The following DOC2A variants were observed in gnomAD, a reference collection of about 807,000 sequenced individuals.
DOC2A encodes the protein double C2-like domain-containing protein alpha.
Under a neutral mutation model 40.6 loss-of-function variants are expected in DOC2A, and 28 were observed. The ratio of observed to expected loss-of-function variants is 0.69; its 90% confidence interval spans 0.51 to 0.95. The LOEUF (loss-of-function observed/expected upper bound fraction) is 0.95, where lower values mean the gene tolerates loss of function less well. Among genes scored for constraint, DOC2A ranks in the 40% least tolerant of loss-of-function variants. The pLI is 0.00. For missense variants in DOC2A, 474 were observed against 552.5 expected (o/e 0.86, Z 1.42); for synonymous variants, 241 against 236.9 (o/e 1.02, Z -0.16).
upstream of DOC2A, among the ~76,000 whole-genome samples, chr16:30,016,053 A>ATTTTT (rs1271681523): frequency 1.7e-4 from 3 of 18,176 alleles, no homozygotes; most frequent in African/African-American, 4.0e-4. Context: ...ATATATATAT[A>ATTTTT]TATTTTTTTT....
chr16:30,007,149 C>T (rs1412985673), intron 6 of DOC2A, 24 bp downstream of exon 6: 24 of 1,613,416 alleles, frequency 1.5e-5, no homozygotes, highest in East Asian at 2.2e-5. Flanking sequence ...CCTCCCCTGG[C>T]GCCCCTGCAG....
rs921364526 is a variant in DOC2A at position 30,009,148 on chromosome 16, C to A, written c.418-43G>T. On this transcript the variant is annotated intron_variant, in intron 4 of 10. Coordinates refer to ENST00000350119, the MANE Select transcript of DOC2A (RefSeq NM_003586.3). The surrounding 1 kb of genome is among the most constrained non-coding windows in gnomAD (Gnocchi z 4.1). Reference sequence around the variant, plus strand: ...AAGGTTCTCAATACCTGTCCTCCAGCCCCACAGGCTGGAGTCATGGGCTGG... The same window carrying A: ...AAGGTTCTCAATACCTGTCCTCCAGACCCACAGGCTGGAGTCATGGGCTGG... 2.5e-6 allele frequency: 4 copies of A among 1,610,812 alleles called. No homozygotes were observed. Among genetic ancestry groups the A allele is most frequent in the African/African-American group, 2.7e-5 (2 of 74,858 alleles).
At chr16:30,016,814 A>C (rs1442009470), upstream of DOC2A, among the ~76,000 whole-genome samples, 1 of 152,164 alleles carries the variant, frequency 6.6e-6, no homozygotes, top group Non-Finnish European at 1.5e-5. Context: ...CCTCATAGGG[A>C]AGACAGACAA....
Position 30,009,429 on chromosome 16 carries a change from G to A in DOC2A, c.342+49C>T, listed in dbSNP as rs1401466635. Reference sequence around the variant, plus strand: ...GGGAAGGAGGAATGGGCCCCCTCTGGGGGCTGCACGCAAACCGGGCCCGGG... The same window carrying A: ...GGGAAGGAGGAATGGGCCCCCTCTGAGGGCTGCACGCAAACCGGGCCCGGG... On this transcript the variant is annotated intron_variant, in intron 3 of 10. Transcript: ENST00000350119. This position sits in a 1 kb window ranked among gnomAD's most constrained non-coding sequence, Gnocchi z 4.1. The A allele has an allele frequency of 6.5e-7, 1 of 1,539,066 alleles. No homozygotes were observed. Among genetic ancestry groups the A allele is most frequent in the Non-Finnish European group, 8.8e-7 (1 of 1,136,506 alleles).
chr16:30,013,602 T>TAAAAAAAAAA, upstream of DOC2A: 1 of 19,180 alleles, frequency 5.2e-5, no homozygotes, highest in African/African-American at 3.7e-4. Context: ...AGACCCTGTC[T>TAAAAAAAAAA]CAAAAAAAAA....
rs762875731 is a variant in DOC2A at position 30,009,033 on chromosome 16, C to T, written c.490G>A (p.Gly164Arg). 2.0e-5 allele frequency: 33 copies of T among 1,614,008 alleles called. No individual in the cohort carries two copies. In the East Asian group the frequency reaches 4.2e-4, roughly 21 times the overall value. ...TGCGTGATGTCGTCATCTGTGATCC[C>T]GCTGTAAGTCAGGTCCTCATTCCAC... ...PVWNEDLTYS[G>R]ITDDDITHKV... Residue 164 changes from glycine to arginine, a missense_variant, in exon 5 of 11, where the codon GGG becomes AGG. Physicochemically the swap from Gly to Arg is moderately radical, Grantham distance 125 (BLOSUM62 -2). Transcript: ENST00000350119. The surrounding 1 kb of genome is among the most constrained non-coding windows in gnomAD (Gnocchi z 4.1).
chr16:30,006,006 A>G lies in DOC2A; in HGVS notation c.*180T>C. 13 of 681,820 alleles carry G rather than the reference A, an allele frequency of 1.9e-5. No individual in the cohort carries two copies. The highest frequency in any genetic ancestry group is 4.1e-4 in the Middle Eastern group (1 of 2,460). The allele number at this position is 681,820 out of a possible 1,614,324, so 42.2% of individuals were successfully genotyped here. ...CTAGCGAGTCAGGCAGGAGGTTTGC[A>G]TATGTGAATATAGAACTCCGCAGCC... is the stretch of plus-strand genomic sequence containing the variant. On this transcript the variant is annotated 3_prime_UTR_variant, in exon 11 of 11. Coordinates refer to ENST00000350119, the MANE Select transcript of DOC2A (RefSeq NM_003586.3). This position sits in a 1 kb window ranked among gnomAD's most constrained non-coding sequence, Gnocchi z 6.2.
At chr16:30,017,484 C>T (rs952592526) in intron 1 of DOC2A, among the ~76,000 whole-genome samples, 2 of 151,984 alleles carry the variant, frequency 1.3e-5, no homozygotes, top group African/African-American at 4.8e-5. Flanking sequence ...AAATTATATC[C>T]CTTGCAGCAA....
chr16:30,005,649 GACA>G lies in DOC2A; in HGVS notation c.*534_*536del. ...CTTCAAACCCCGGCCCCCTCCAGGG[GACA>G]GTTATTTAAACGAGTGGCCGGGAGC... On this transcript the variant is annotated 3_prime_UTR_variant, in exon 11 of 11. Coordinates refer to ENST00000350119, the MANE Select transcript of DOC2A (RefSeq NM_003586.3). The G allele has an allele frequency of 1.7e-6, 1 of 590,182 alleles. No individual in the cohort carries two copies. The highest frequency in any genetic ancestry group is 3.1e-5 in the East Asian group (1 of 32,380). 36.6% of individuals were successfully genotyped at this position (590,182 alleles called of 1,614,324 possible). A position where few individuals can be genotyped will look rare whatever the true frequency, so the allele number is the denominator to read the frequency against.
In DOC2A at chr16:30,009,977, A is replaced by G. The variant is rs761168758; in HGVS notation, c.246T>C (p.Tyr82=). 1.9e-6 allele frequency: 3 copies of G among 1,611,562 alleles called. No individual in the cohort carries two copies. Among genetic ancestry groups the G allele is most frequent in the South Asian group, 2.2e-5 (2 of 90,996 alleles). The change falls in exon 2 of 11, where the codon TAT becomes TAC. Residue 82 remains tyrosine (Y), a synonymous_variant. Coordinates refer to ENST00000350119, the MANE Select transcript of DOC2A (RefSeq NM_003586.3). The surrounding 1 kb of genome is among the most constrained non-coding windows in gnomAD (Gnocchi z 4.1). ...TPEDGAEVDS[Y]DSDDATALGT... is the part of the protein sequence containing the mutation. The stretch of plus-strand genomic sequence containing the variant: ...CAGACTCACTGGCATCATCCGAGTC[A>G]TAGCTGTCCACCTCCGCACCATCCT...
Position 30,009,407 on chromosome 16 carries a change from A to G in DOC2A, c.342+71T>C. 6.6e-7 allele frequency: 1 copy of G among 1,511,824 alleles called. No homozygotes were observed. The highest frequency in any genetic ancestry group is 9.0e-7 in the Non-Finnish European group (1 of 1,112,278). 93.7% of individuals were successfully genotyped at this position (1,511,824 alleles called of 1,614,324 possible). A position where few individuals can be genotyped will look rare whatever the true frequency, so the allele number is the denominator to read the frequency against. On this transcript the variant is annotated intron_variant, in intron 3 of 10. Transcript: ENST00000350119. This position sits in a 1 kb window ranked among gnomAD's most constrained non-coding sequence, Gnocchi z 4.1. ...GACGAAGGAGCAGGCCTGGGAAGGG[A>G]AGGAGGAATGGGCCCCCTCTGGGGG...
chr16:30,009,482 G>T lies in DOC2A; in HGVS notation c.338C>A (p.Ala113Asp). 1 of 1,551,510 alleles carries T rather than the reference G, an allele frequency of 6.4e-7. No homozygotes were observed. The highest frequency in any genetic ancestry group is 8.7e-7 in the Non-Finnish European group (1 of 1,146,972). The part of the protein sequence containing the change: ...SCTLHCSILR[A>D]KGLKPMDFNG... ...TGGGTGGCAGGGAGTGCCCACCTTG[G>T]CCCTGAGGATGCTACAGTGCAGAGT... The change falls in exon 3 of 11, where the codon GCC becomes GAC. Residue 113 changes from alanine (A) to aspartate (D), a missense_variant. Coordinates refer to ENST00000350119, the MANE Select transcript of DOC2A (RefSeq NM_003586.3). This position sits in a 1 kb window ranked among gnomAD's most constrained non-coding sequence, Gnocchi z 4.1.
At chr16:30,020,045 G>A (rs2070893801) in intron 1 of DOC2A, among the ~76,000 whole-genome samples, 1 of 152,082 alleles carries the variant, frequency 6.6e-6, no homozygotes, top group Non-Finnish European at 1.5e-5. Flanking sequence ...AGTAGCTGGG[G>A]CTACAGGCGC....
upstream of DOC2A, among the ~76,000 whole-genome samples, chr16:30,013,122 G>A (rs1332168701): frequency 1.8e-5 from 2 of 111,448 alleles, no homozygotes; most frequent in Admixed American, 2.8e-4. Flanking sequence ...AGAAGTTCAA[G>A]ACCAGCCTGG....
At chr16:30,016,019 TAA>T (rs2070850093), upstream of DOC2A, among the ~76,000 whole-genome samples, 9 of 60,634 alleles carry the variant, frequency 1.5e-4, no homozygotes, top group South Asian at 1.4e-3. Context: ...CCCAGCACAA[TAA>T]TATATATATA....
upstream of DOC2A, chr16:30,013,622 A>AATAATAAAAAAAAAAT (rs1186474493): frequency 7.1e-6 from 1 of 141,520 alleles, no homozygotes; most frequent in South Asian, 2.2e-4. Context: ...AAAAAAAAAA[A>AATAATAAAAAAAAAAT]AAAAATCCTT....
At position 30,006,547 on chromosome 16, in the gene DOC2A, C is replaced by T; in HGVS notation, c.961-38G>A. On this transcript the variant is annotated intron_variant, in intron 9 of 10. Coordinates refer to ENST00000350119, the MANE Select transcript of DOC2A (RefSeq NM_003586.3). The surrounding 1 kb of genome is among the most constrained non-coding windows in gnomAD (Gnocchi z 6.2). ...CCGGCCACCCGTTCGTGAGCCAGCT[C>T]CCCAGCCCCTCCCTGGCCTCCCTCC... The T allele has an allele frequency of 6.2e-7, 1 of 1,613,398 alleles. No individual in the cohort carries two copies. The highest frequency in any genetic ancestry group is 2.2e-5 in the East Asian group (1 of 44,844).
upstream of DOC2A, chr16:30,013,477 A>ACCT (rs2070817922): frequency 1.3e-5 from 2 of 149,866 alleles, no homozygotes; most frequent in Non-Finnish European, 3.0e-5. Flanking sequence ...CTTCTTAGCC[A>ACCT]AGATGGTCTC....
At chr16:30,017,673 A>G (rs1381539143) in intron 1 of DOC2A, among the ~76,000 whole-genome samples, 1 of 151,978 alleles carries the variant, frequency 6.6e-6, no homozygotes, top group Non-Finnish European at 1.5e-5. Context: ...AAAACTACCT[A>G]TTGCCGGGTG....
Sources: gnomAD v4.1 joint callset for allele counts (sites outside exome capture counted in the v4.1 genomes callset) on GRCh38, gnomAD v4.1.1 for gene constraint, Gnocchi (gnomAD v3.1) non-coding constraint, MANE v1.5 for transcripts, NCBI Gene and HGNC (gene_info 2026-07-23, HGNC 2026-07-21) for gene names.